The following SPPL3 variants were observed in gnomAD, a reference collection of about 807,000 sequenced individuals.
SPPL3 encodes the protein signal peptide peptidase like 3.
A neutral mutation model predicts 42.4 loss-of-function variants in SPPL3; 5 were observed. The ratio of observed to expected loss-of-function variants is 0.12; its 90% confidence interval spans 0.06 to 0.25. The LOEUF (loss-of-function observed/expected upper bound fraction) is 0.25. Ranked by LOEUF, SPPL3 falls within the 10% of genes least tolerant of loss-of-function variation. The pLI is 1.00. For synonymous variants in SPPL3, 195 were observed against 181.8 expected (o/e 1.07, Z -0.58); for missense variants, 235 against 489.0 (o/e 0.48, Z 4.90).
At chr12:120,820,201 T>C (rs1871013010) in intron 1 of SPPL3, among the ~76,000 whole-genome samples, 1 of 152,142 alleles carries the variant, frequency 6.6e-6, no homozygotes, top group African/African-American at 2.4e-5. Flanking sequence ...ATTTCAAATT[T>C]AAAAATTATA....
chr12:120,766,416 G>GT (rs2136965118), intron 9 of SPPL3, 44 bp from the exon 10 acceptor site: 1 of 1,488,344 alleles, frequency 6.7e-7, no homozygotes. Context: ...GAGGGAACCC[G>GT]TGTCACCTGG....
chr12:120,783,843 T>C (rs888522634), intron 4 of SPPL3, 91 bp from the exon 5 acceptor site: 18 of 1,056,464 alleles, frequency 1.7e-5, no homozygotes, highest in Non-Finnish European at 2.5e-5. Flanking sequence ...ACTAGACAAG[T>C]GGATACGGTT....
chr12:120,894,945 T>TCAAACAAACAAA (rs61465383), intron 1 of SPPL3, among the ~76,000 whole-genome samples: 2 of 150,408 alleles, frequency 1.3e-5, no homozygotes, highest in Non-Finnish European at 3.0e-5. Context: ...AGAGTCCGTC[T>TCAAACAAACAAA]CAAACAAACA....
At chr12:120,782,022 TGTA>T (rs1869563203) in intron 6 of SPPL3, among the ~76,000 whole-genome samples, 1 of 152,148 alleles carries the variant, frequency 6.6e-6, no homozygotes, top group Admixed American at 6.5e-5. Flanking sequence ...GGACTGCAGG[TGTA>T]CCATGCCCAG....
rs1297348874 is a variant in SPPL3, at chr12:120,764,435, CTCAA to C, written c.*560_*563del. The C allele has an allele frequency of 6.5e-6, 1 of 154,498 alleles. No homozygotes were observed. The highest frequency in any genetic ancestry group is 2.4e-5 in the African/African-American group (1 of 41,482). The allele number at this position is 154,498 out of a possible 1,614,324, so 9.6% of individuals were successfully genotyped here. ...CTTATGTGGATGTTGTAAGAAGTCA[CTCAA>C]TGTCTGTGGATTTAATAAGTCACTT... On this transcript the variant is annotated 3_prime_UTR_variant, in exon 11 of 11. Transcript: ENST00000353487.
rs144283644 is a variant in SPPL3, at chr12:120,820,200, T to A, written c.24-9314A>T. On this transcript the variant is annotated intron_variant, in intron 1 of 10. Transcript: ENST00000353487. ...TTTTTTGCTATCCAAAATTTCAAAT[T>A]TAAAAATTATATGCAAAAAAACTTG... Among the ~76,000 whole-genome samples the A allele has an allele frequency of 4.0e-3, 604 of 152,258 alleles. 3 individuals carry two copies. Among genetic ancestry groups the A allele is most frequent in the African/African-American group, 0.013 (543 of 41,554 alleles).
At chr12:120,801,425 T>C (rs1297702876) in intron 2 of SPPL3, among the ~76,000 whole-genome samples, 1 of 134,236 alleles carries the variant, frequency 7.4e-6, no homozygotes, top group East Asian at 2.1e-4. Context: ...CATCTGGCCA[T>C]TTTTTTTTTT....
intron 2 of SPPL3, among the ~76,000 whole-genome samples, chr12:120,804,415 A>G (rs1870423230): frequency 6.6e-6 from 1 of 152,192 alleles, no homozygotes; most frequent in South Asian, 2.1e-4. Context: ...AGAAAACCCA[A>G]TTTAAAAATG....
At chr12:120,774,755 C>G (rs1200954377) in intron 6 of SPPL3, among the ~76,000 whole-genome samples, 1 of 151,994 alleles carries the variant, frequency 6.6e-6, no homozygotes, top group Non-Finnish European at 1.5e-5. Context: ...CTTAAAAAAT[C>G]TTACCTCCTC....
At chr12:120,847,624 T>A (rs1592993455) in intron 1 of SPPL3, among the ~76,000 whole-genome samples, 1 of 151,300 alleles carries the variant, frequency 6.6e-6, no homozygotes, top group South Asian at 2.1e-4. Flanking sequence ...TAGAGGCAGG[T>A]CTCACTCTCT....
chr12:120,832,213 C>T (rs1226950706), intron 1 of SPPL3, among the ~76,000 whole-genome samples: 1 of 152,058 alleles, frequency 6.6e-6, no homozygotes, highest in African/African-American at 2.4e-5. Flanking sequence ...AACAGGACAC[C>T]TTGGAGATAA....
rs371919283 is a variant in SPPL3 at position 120,778,535 on chromosome 12, CCT to C, written c.502+4118_502+4119del. On this transcript the variant is annotated intron_variant, in intron 6 of 10. Coordinates refer to ENST00000353487, the MANE Select transcript of SPPL3 (RefSeq NM_139015.5). ...GAATGGTCACATCACCCCCAAAACC[CCT>C]GTTTTTTCTTTATAGTCACCCTACT... 6.1e-3 allele frequency among the ~76,000 whole-genome samples: 930 copies of C among 152,248 alleles called. 11 individuals are homozygous for C. Among genetic ancestry groups the C allele is most frequent in the African/African-American group, 0.02 (829 of 41,544 alleles).
chr12:120,885,594 C>A (rs1873428238), intron 1 of SPPL3, among the ~76,000 whole-genome samples: 1 of 152,108 alleles, frequency 6.6e-6, no homozygotes, highest in South Asian at 2.1e-4. Context: ...TCTAAACATG[C>A]AAGTGCCCAT....
At chr12:120,878,906 G>A (rs771829479) in intron 1 of SPPL3, among the ~76,000 whole-genome samples, 2 of 151,816 alleles carry the variant, frequency 1.3e-5, no homozygotes, top group African/African-American at 2.4e-5. Context: ...CTGAGGTCGC[G>A]AGTTTAAGAC....
At chr12:120,890,711 A>T (rs543564304) in intron 1 of SPPL3, among the ~76,000 whole-genome samples, 2 of 152,276 alleles carry the variant, frequency 1.3e-5, no homozygotes, top group South Asian at 2.1e-4. Context: ...AAGGGAAAAA[A>T]GGGAAGGGTC....
intron 1 of SPPL3, among the ~76,000 whole-genome samples, chr12:120,877,796 AAG>A (rs1555253976): frequency 1.4e-5 from 2 of 140,884 alleles, no homozygotes; most frequent in Admixed American, 6.8e-5. Context: ...AAAAAAAAGA[AAG>A]AAAGAAAGAA....
intron 2 of SPPL3, among the ~76,000 whole-genome samples, chr12:120,803,804 A>C (rs976630346): frequency 7.2e-5 from 11 of 152,178 alleles, no homozygotes; most frequent in Non-Finnish European, 1.5e-4. Context: ...ATCATTCCCT[A>C]CGTCATCTAA....
chr12:120,862,514 C>T (rs918806433), intron 1 of SPPL3, among the ~76,000 whole-genome samples: 1 of 152,138 alleles, frequency 6.6e-6, no homozygotes, highest in Non-Finnish European at 1.5e-5. Context: ...GCTAGGATGG[C>T]TCACTGAACT....
intron 2 of SPPL3, among the ~76,000 whole-genome samples, chr12:120,804,556 C>G (rs1056156754): frequency 1.3e-5 from 2 of 152,028 alleles, no homozygotes; most frequent in African/African-American, 4.8e-5. Context: ...TCATACCCAC[C>G]AGAACAGTAG....
Sources: gnomAD v4.1 joint callset for allele counts (sites outside exome capture counted in the v4.1 genomes callset) on GRCh38, gnomAD v4.1.1 for gene constraint, MANE v1.5 for transcripts, NCBI Gene and HGNC (gene_info 2026-07-23, HGNC 2026-07-21) for gene names.